The following GDA variants were observed in gnomAD, a reference collection of about 807,000 sequenced individuals.
GDA encodes cytoplasmic PSD-95 interactor.
Under a neutral mutation model 59.6 loss-of-function variants are expected in GDA, and 18 were observed. That is an observed-to-expected ratio of 0.30 (90% CI 0.21 to 0.45). The LOEUF is 0.45. Among genes scored for constraint, GDA ranks in the 20% least tolerant of loss-of-function variants. The probability of loss-of-function intolerance (pLI) is 1.00; values close to 1 mark genes in which losing one functional copy is unlikely to be tolerated. For missense variants in GDA, 427 were observed against 552.3 expected (o/e 0.77, Z 2.27); for synonymous variants, 201 against 201.1 (o/e 1.00, Z 0.00).
intron 1 of GDA, among the ~76,000 whole-genome samples, chr9:72,127,734 T>C (rs1429980948): frequency 2.0e-5 from 3 of 152,154 alleles, no homozygotes; most frequent in Non-Finnish European, 2.9e-5. Context: ...AAGCTAGTTC[T>C]TGGATATTCT....
chr9:72,213,553 C>T (rs1835659999), intron 4 of GDA, among the ~76,000 whole-genome samples: 1 of 151,976 alleles, frequency 6.6e-6, no homozygotes, highest in Admixed American at 6.6e-5. Flanking sequence ...CCTGTAATCC[C>T]AGCACTTTGG....
At chr9:72,124,262 A>G (rs1005363372) in intron 1 of GDA, among the ~76,000 whole-genome samples, 7 of 152,216 alleles carry the variant, frequency 4.6e-5, no homozygotes, top group Non-Finnish European at 1.0e-4. Context: ...AAAGAAAGCA[A>G]AGTGTTAAAT....
chr9:72,127,707 A>G (rs1003547916), intron 1 of GDA, among the ~76,000 whole-genome samples: 5 of 151,546 alleles, frequency 3.3e-5, no homozygotes, highest in African/African-American at 1.2e-4. Flanking sequence ...CTGTGGGTTT[A>G]GTTGGTCTTT....
chr9:72,120,925 A>G (rs1224489672), intron 1 of GDA, among the ~76,000 whole-genome samples: 1 of 152,074 alleles, frequency 6.6e-6, no homozygotes, highest in African/African-American at 2.4e-5. Context: ...TCTTCTTTCT[A>G]GGGTTAATTT....
intron 1 of GDA, among the ~76,000 whole-genome samples, chr9:72,195,072 T>C (rs1238779992): frequency 6.6e-6 from 1 of 152,224 alleles, no homozygotes; most frequent in African/African-American, 2.4e-5. Context: ...TTCAGCAAGA[T>C]AAAGTTAAAA....
In GDA at chr9:72,249,528, T is replaced by A. The variant is rs930270999; in HGVS notation, c.*1186T>A. The A allele has an allele frequency of 3.4e-6, 2 of 584,464 alleles. No homozygotes were observed. Among genetic ancestry groups the A allele is most frequent in the African/African-American group, 4.0e-5 (2 of 49,494 alleles). The allele number at this position is 584,464 out of a possible 1,614,324, so 36.2% of individuals were successfully genotyped here. Reference sequence around the variant, plus strand: ...GAGTACATAATGTCCTACTTAATATTTATGTTAATAGGACTTAATTCTTAC... The same window carrying A: ...GAGTACATAATGTCCTACTTAATATATATGTTAATAGGACTTAATTCTTAC... On this transcript the variant is annotated 3_prime_UTR_variant, in exon 14 of 14. Coordinates refer to ENST00000358399, the MANE Select transcript of GDA (RefSeq NM_004293.5).
In GDA at chr9:72,188,438, A is replaced by G. The variant is rs570555905; in HGVS notation, c.124-7062A>G. Among the ~76,000 whole-genome samples, 13 of 152,328 alleles carry G rather than the reference A, an allele frequency of 8.5e-5. No homozygotes were observed. The East Asian group carries it at 2.5e-3, about 29-fold the overall frequency. ...TCACTGCTCCCACCATGGCTCAAGC[A>G]GGTCCATGTGTGGCTCAGGCCACAA... On this transcript the variant is annotated intron_variant, in intron 1 of 13. Transcript: ENST00000358399.
chr9:72,234,591 G>A (rs188513377), intron 10 of GDA, among the ~76,000 whole-genome samples: 1 of 152,110 alleles, frequency 6.6e-6, no homozygotes, highest in Non-Finnish European at 1.5e-5. Flanking sequence ...AACACATGGG[G>A]TTTTTTTCTG....
At chr9:72,133,337 G>A (rs542003379) in intron 1 of GDA, among the ~76,000 whole-genome samples, 427 of 128,206 alleles carry the variant, frequency 3.3e-3, no homozygotes, top group Non-Finnish European at 6.1e-3. Context: ...AATAATTTTA[G>A]CTTAGGAAGC....
At chr9:72,116,729 C>G (rs1008173602) in intron 1 of GDA, among the ~76,000 whole-genome samples, 2 of 151,982 alleles carry the variant, frequency 1.3e-5, no homozygotes, top group Non-Finnish European at 2.9e-5. Context: ...TTTCAGAACC[C>G]TTATCTTATA....
chr9:72,189,899 T>G (rs1394310176), intron 1 of GDA, among the ~76,000 whole-genome samples: 2 of 152,178 alleles, frequency 1.3e-5, no homozygotes, highest in African/African-American at 4.8e-5. Flanking sequence ...ACATGAGTTT[T>G]GTAGGACCAG....
intron 1 of GDA, among the ~76,000 whole-genome samples, chr9:72,144,297 ATG>A: frequency 6.6e-6 from 1 of 152,318 alleles, no homozygotes; most frequent in Non-Finnish European, 1.5e-5. Flanking sequence ...ATTGTTATCA[ATG>A]TGTCACTTCA....
At chr9:72,139,478 C>T (rs1380748752) in intron 1 of GDA, among the ~76,000 whole-genome samples, 1 of 152,168 alleles carries the variant, frequency 6.6e-6, no homozygotes, top group East Asian at 1.9e-4. Flanking sequence ...TCCATGTAGT[C>T]TGTAGTCTGA....
intron 5 of GDA, among the ~76,000 whole-genome samples, chr9:72,216,605 T>C (rs781125234): frequency 9.2e-5 from 14 of 152,062 alleles, no homozygotes; most frequent in Non-Finnish European, 2.1e-4. Flanking sequence ...TTAATTGATA[T>C]GAAATGTATA....
chr9:72,174,769 G>GAA (rs1251399150), intron 1 of GDA, among the ~76,000 whole-genome samples: 6 of 152,010 alleles, frequency 3.9e-5, no homozygotes, highest in Non-Finnish European at 8.8e-5. Context: ...TATAGAGAGA[G>GAA]AGAGAGAGAG....
downstream of GDA, among the ~76,000 whole-genome samples, chr9:72,257,934 A>G (rs1272487041): frequency 2.3e-5 from 3 of 130,256 alleles, no homozygotes; most frequent in African/African-American, 3.3e-5. Context: ...CTAGTCTCGA[A>G]AAAAAAAAAA....
At position 72,149,443 on chromosome 9, in the gene GDA, A is replaced by G; in HGVS notation, c.-117A>G. The G allele has an allele frequency of 1.6e-6, 2 of 1,276,164 alleles. No individual in the cohort carries two copies. The highest frequency in any genetic ancestry group is 2.1e-6 in the Non-Finnish European group (2 of 937,650). The allele number at this position is 1,276,164 out of a possible 1,614,324, so 79.1% of individuals were successfully genotyped here. A position where few individuals can be genotyped will look rare whatever the true frequency, so the allele number is the denominator to read the frequency against. ...AACCGCCCGGGTAAGCGGGGGCAGG[A>G]CAAGGCCGGAGCCTGTGTCCGCCCG... On this transcript the variant is annotated 5_prime_UTR_variant, in exon 1 of 14. Coordinates refer to ENST00000358399, the MANE Select transcript of GDA (RefSeq NM_004293.5).
At chr9:72,138,958 A>G (rs1467302634) in intron 1 of GDA, among the ~76,000 whole-genome samples, 2 of 152,180 alleles carry the variant, frequency 1.3e-5, no homozygotes, top group Non-Finnish European at 2.9e-5. Context: ...TTAAGTTTTT[A>G]TTGCATTTAT....
At chr9:72,170,686 A>G (rs1020027304) in intron 1 of GDA, among the ~76,000 whole-genome samples, 1 of 152,182 alleles carries the variant, frequency 6.6e-6, no homozygotes, top group Non-Finnish European at 1.5e-5. Context: ...GCAAATCAGC[A>G]AGAGCTACAA....
Sources: allele counts gnomAD v4.1 joint callset (sites outside exome capture counted in the v4.1 genomes callset), GRCh38; gene constraint gnomAD v4.1.1; transcripts MANE v1.5; gene names NCBI Gene and HGNC (gene_info 2026-07-23, HGNC 2026-07-21).